Variants in KCNMB3 observed in about 807,000 individuals in gnomAD.
The protein encoded by KCNMB3 is potassium calcium-activated channel subfamily M regulatory beta subunit 3, also known as calcium-activated potassium channel subunit beta-3.
In KCNMB3, 18 loss-of-function variants were observed where a neutral mutation model predicts 11.9. That is an observed-to-expected ratio of 1.51 (90% confidence interval 1.04 to 2.23). The LOEUF is 2.23. Ranked by LOEUF, KCNMB3 falls within the 30% of genes most tolerant of loss-of-function variation. The pLI, the probability that KCNMB3 is intolerant of heterozygous loss-of-function variation, is 0.00. For synonymous variants in KCNMB3, 78 were observed against 119.2 expected (o/e 0.65, Z 2.25); for missense variants, 247 against 329.4 (o/e 0.75, Z 1.94).
In KCNMB3 at chr3:179,244,516, CTCTTCATTATAA is replaced by C; in HGVS notation, c.414_425del (p.His138_Glu142delinsGln). 8 of 1,614,108 alleles carry C rather than the reference CTCTTCATTATAA, an allele frequency of 5.0e-6. No homozygotes were observed. Among genetic ancestry groups the C allele is most frequent in the Non-Finnish European group, 6.8e-6 (8 of 1,179,968 alleles). Reference sequence around the variant, plus strand: ...ATACCTTGGGATTTATCTGGACAGCCTCTTCATTATAATGTAGGAGAGCTTTCTGACCTGGAT... The same window carrying C: ...ATACCTTGGGATTTATCTGGACAGCCTGTAGGAGAGCTTTCTGACCTGGAT... On this transcript the variant is annotated inframe_deletion, in exon 2 of 3. Coordinates refer to ENST00000392685, the MANE Select transcript of KCNMB3 (RefSeq NM_171830.2).
chr3:179,241,495 AACTG>A (rs1187572554), downstream of KCNMB3: 2 of 154,388 alleles, frequency 1.3e-5, no homozygotes, highest in African/African-American at 4.8e-5. Flanking sequence ...AAAGGGATTA[AACTG>A]ACTTAGAATC....
Position 179,258,528 on chromosome 3 carries a change from C to T in KCNMB3, c.63-7594G>A, listed in dbSNP as rs558258135. Among the ~76,000 whole-genome samples, 3 of 152,232 alleles carry T rather than the reference C, an allele frequency of 2.0e-5. No homozygotes were observed. In the South Asian group the frequency reaches 6.2e-4, roughly 32 times the overall value. ...CGGTTTATCTCCTTTAAATAAAATA[C>T]CATACAGGTTATAATGTATATTTTA... On this transcript the variant is annotated intron_variant, in intron 1 of 3. Coordinates refer to the KCNMB3 transcript ENST00000349697.
intron 1 of KCNMB3, chr3:179,260,213 A>G: frequency 3.7e-6 from 6 of 1,613,670 alleles, no homozygotes; most frequent in South Asian, 3.3e-5. Context: ...AGTCACTCCA[A>G]CAGTTGGATG....
chr3:179,266,795 G>T (rs963664416), exon 1 of KCNMB3: 4 of 1,555,266 alleles, frequency 2.6e-6, no homozygotes, highest in Non-Finnish European at 3.5e-6. Flanking sequence ...AGACATCCAC[G>T]GAAGTGGAGT....
chr3:179,245,071 A>G (rs1020908137), intron 1 of KCNMB3, among the ~76,000 whole-genome samples: 6 of 152,236 alleles, frequency 3.9e-5, no homozygotes, highest in African/African-American at 1.4e-4. Context: ...CTTGAGGCCC[A>G]GGAATCTTTA....
At chr3:179,248,226 A>G (rs926486003) in intron 1 of KCNMB3, among the ~76,000 whole-genome samples, 8 of 152,206 alleles carry the variant, frequency 5.3e-5, no homozygotes, top group Admixed American at 5.2e-4. Context: ...CAGCTTTCTC[A>G]TTTATAAAAT....
chr3:179,242,374 G>A (rs182536757), downstream of KCNMB3: 1,929 of 148,934 alleles, frequency 0.013, 22 homozygotes, highest in Non-Finnish European at 0.016. Context: ...CAGCCTGGGC[G>A]ACGAGCAAAA....
chr3:179,262,947 C>T (rs1260905633), intron 1 of KCNMB3, among the ~76,000 whole-genome samples: 6 of 152,374 alleles, frequency 3.9e-5, no homozygotes, highest in East Asian at 1.9e-4. Flanking sequence ...TAAACATAAA[C>T]GTTCTCCAAG....
At chr3:179,260,078 T>C in intron 1 of KCNMB3, 1 of 1,609,040 alleles carries the variant, frequency 6.2e-7, no homozygotes, top group Non-Finnish European at 8.5e-7. Flanking sequence ...CTACCATACA[T>C]CTGTCATCAT....
upstream of KCNMB3, among the ~76,000 whole-genome samples, chr3:179,255,457 A>C (rs548055371): frequency 6.6e-6 from 1 of 152,166 alleles, no homozygotes; most frequent in African/African-American, 2.4e-5. Flanking sequence ...ATGAACAGAC[A>C]TAACACTCAA....
exon 1 of KCNMB3, chr3:179,266,737 C>T (rs531547187): frequency 1.2e-6 from 2 of 1,613,394 alleles, no homozygotes; most frequent in African/African-American, 1.3e-5. Flanking sequence ...GAAAATGGCT[C>T]CCTTTCACCT....
chr3:179,253,710 G>A (rs2108449427), upstream of KCNMB3, among the ~76,000 whole-genome samples: 1 of 152,182 alleles, frequency 6.6e-6, no homozygotes, highest in East Asian at 1.9e-4. Context: ...GGAGGCTGAG[G>A]CAGGAAAATC....
At chr3:179,259,530 C>T in intron 1 of KCNMB3, 1 of 1,610,568 alleles carries the variant, frequency 6.2e-7, no homozygotes, top group Non-Finnish European at 8.5e-7. Flanking sequence ...AACATTTTCA[C>T]TGCTTTCTGC....
chr3:179,240,082 AAAG>A, downstream of KCNMB3: 15 of 1,521,356 alleles, frequency 9.9e-6, no homozygotes, highest in South Asian at 2.5e-5. Context: ...TTAAAAAAAA[AAAG>A]AAAAATTACT....
Position 179,261,262 on chromosome 3 carries a change from G to C in KCNMB3, c.62+5387C>G. 4 of 1,311,974 alleles carry C rather than the reference G, an allele frequency of 3.0e-6. 1 individual carries two copies. The South Asian group carries it at 7.4e-5, about 24-fold the overall frequency. The allele number at this position is 1,311,974 out of a possible 1,614,324, so 81.3% of individuals were successfully genotyped here. ...AGATCTCCCGGCTCTGCGTGGCCGC[G>C]GGGCTGGTCAACCTGCTGGGCTCGG... On this transcript the variant is annotated intron_variant, in intron 1 of 3. Coordinates refer to the KCNMB3 transcript ENST00000349697.
intron 1 of KCNMB3, among the ~76,000 whole-genome samples, chr3:179,257,484 A>G (rs1726050137): frequency 1.3e-5 from 2 of 152,214 alleles, no homozygotes; most frequent in African/African-American, 4.8e-5. Context: ...TTTATATAGA[A>G]AACAGATATT....
At chr3:179,253,731 G>A (rs1349856497), upstream of KCNMB3, among the ~76,000 whole-genome samples, 4 of 152,050 alleles carry the variant, frequency 2.6e-5, no homozygotes, top group African/African-American at 7.2e-5. Context: ...GCTTGAACCC[G>A]GGTGGCAGAG....
chr3:179,263,494 C>T (rs1466716392), intron 1 of KCNMB3, among the ~76,000 whole-genome samples: 5 of 151,940 alleles, frequency 3.3e-5, no homozygotes, highest in East Asian at 1.9e-4. Context: ...CGAGGAGGCG[C>T]GGAGAGCGAG....
At chr3:179,262,921 T>C (rs1726266476) in intron 1 of KCNMB3, among the ~76,000 whole-genome samples, 1 of 152,212 alleles carries the variant, frequency 6.6e-6, no homozygotes, top group African/African-American at 2.4e-5. Context: ...AATTGGTGTA[T>C]TTACAATCTC....
Sources: gnomAD v4.1 joint callset for allele counts (sites outside exome capture counted in the v4.1 genomes callset) on GRCh38, gnomAD v4.1.1 for gene constraint, MANE v1.5 for transcripts, NCBI Gene and HGNC (gene_info 2026-07-23, HGNC 2026-07-21) for gene names.